NBAS: variants seen among roughly 807,000 people sequenced by gnomAD.
NBAS encodes the protein NAG/BC035112 fusion.
NBAS carries 219 observed loss-of-function variants against 302.5 expected under a neutral mutation model. The observed-to-expected ratio is 0.72, with a 90% CI of 0.65 to 0.81. The LOEUF is 0.81. NBAS is among the 30% of genes least tolerant of loss of function. The pLI is 0.00. For missense variants in NBAS, 2,932 were observed against 2,841.6 expected (o/e 1.03, Z -0.72); for synonymous variants, 1,118 against 1,021.6 (o/e 1.09, Z -1.80).
the NBAS span, among the ~76,000 whole-genome samples, chr2:15,148,916 G>A: frequency 0.035 from 5,372 of 152,152 alleles, 306 homozygotes; most frequent in African/African-American, 0.11. Context: ...TTAGGCTTTC[G>A]ACATTTAAGA....
chr2:14,802,761 T>C, the NBAS span, among the ~76,000 whole-genome samples: 2 of 145,588 alleles, frequency 1.4e-5, no homozygotes, highest in Non-Finnish European at 3.0e-5. Context: ...AAATTGGAAA[T>C]CATCATTCTC....
chr2:15,394,466 G>T, intron 27 of NBAS, 117 bp from the exon 28 acceptor site: 1 of 1,048,198 alleles, frequency 9.5e-7, no homozygotes, highest in Non-Finnish European at 1.4e-6. Flanking sequence ...ATCCCATAGT[G>T]TAATCCAATT....
intron 44 of NBAS, among the ~76,000 whole-genome samples, chr2:15,261,897 T>C (rs946637130): frequency 1.3e-5 from 2 of 152,226 alleles, no homozygotes; most frequent in Non-Finnish European, 2.9e-5. Context: ...ATTAATATCA[T>C]TGAAAGTAGG....
At chr2:15,269,983 A>G (rs10929357) in intron 44 of NBAS, among the ~76,000 whole-genome samples, 86,084 of 152,016 alleles carry the variant, frequency 0.57, 26,018 homozygotes, top group East Asian at 0.85. Context: ...AACCAAAACA[A>G]CAACAGACTG....
chr2:14,824,935 T>C, the NBAS span, among the ~76,000 whole-genome samples: 1 of 152,144 alleles, frequency 6.6e-6, no homozygotes, highest in Non-Finnish European at 1.5e-5. Flanking sequence ...AGCAAAACCT[T>C]TCTGTCCAAG....
the NBAS span, among the ~76,000 whole-genome samples, chr2:15,117,492 G>T: frequency 1.3e-5 from 2 of 152,150 alleles, no homozygotes; most frequent in Non-Finnish European, 2.9e-5. Flanking sequence ...CTCACAAAGT[G>T]TGCTCCTCAG....
At chr2:15,141,655 A>T in the NBAS span, among the ~76,000 whole-genome samples, 3 of 151,524 alleles carry the variant, frequency 2.0e-5, no homozygotes, top group African/African-American at 7.3e-5. Flanking sequence ...CAATGTGAAC[A>T]TATTGCTCAT....
intron 30 of NBAS, among the ~76,000 whole-genome samples, chr2:15,378,356 G>C (rs1022778613): frequency 6.6e-6 from 1 of 152,094 alleles, no homozygotes; most frequent in Admixed American, 6.6e-5. Context: ...CGTATTAGAG[G>C]AACTAGACAC....
At chr2:15,308,906 T>C (rs577985039) in intron 39 of NBAS, among the ~76,000 whole-genome samples, 1 of 152,296 alleles carries the variant, frequency 6.6e-6, no homozygotes, top group East Asian at 1.9e-4. Context: ...CATTGGGAGA[T>C]ATACCTAATG....
In NBAS at chr2:15,467,415, G is replaced by T; in HGVS notation, c.2019-8C>A. 6.2e-7 allele frequency: 1 copy of T among 1,605,098 alleles called. No individual in the cohort carries two copies. The highest frequency in any genetic ancestry group is 1.1e-5 in the South Asian group (1 of 90,884). On this transcript the variant is annotated splice_region_variant and splice_polypyrimidine_tract_variant and intron_variant, in intron 18 of 51. Transcript: ENST00000281513. ...TTTTGTTCCAGTGTCAACCTGTTTT[G>T]AATAACTATGTTAGGCCACTTATAT...
the NBAS span, among the ~76,000 whole-genome samples, chr2:14,792,378 C>G: frequency 6.6e-6 from 1 of 152,164 alleles, no homozygotes; most frequent in Non-Finnish European, 1.5e-5. Context: ...GCAAAATTAA[C>G]TGGTTAACAC....
chr2:15,017,762 A>G, the NBAS span, among the ~76,000 whole-genome samples: 1 of 152,102 alleles, frequency 6.6e-6, no homozygotes, highest in South Asian at 2.1e-4. Flanking sequence ...AATTACAAAT[A>G]GAACTACCAT....
At chr2:14,860,179 A>G in the NBAS span, among the ~76,000 whole-genome samples, 1 of 152,154 alleles carries the variant, frequency 6.6e-6, no homozygotes, top group Non-Finnish European at 1.5e-5. Flanking sequence ...GCTTTTATCA[A>G]AAAGGATTAA....
the NBAS span, among the ~76,000 whole-genome samples, chr2:14,977,814 C>A: frequency 5.3e-5 from 8 of 152,170 alleles, no homozygotes; most frequent in African/African-American, 1.9e-4. Flanking sequence ...GCTCTCCTCT[C>A]AGGATACCTG....
intron 25 of NBAS, 42 bp downstream of exon 25, chr2:15,415,504 G>C: frequency 6.4e-7 from 1 of 1,570,950 alleles, no homozygotes; most frequent in South Asian, 1.1e-5. Context: ...ATACTGTAGG[G>C]GAAAAAGTGC....
At chr2:15,171,875 C>T (rs1039579988) in intron 51 of NBAS, among the ~76,000 whole-genome samples, 1 of 152,226 alleles carries the variant, frequency 6.6e-6, no homozygotes. Flanking sequence ...CGTCGACACG[C>T]CAAGGAGAGA....
Position 15,504,205 on chromosome 2 carries a change from C to G in NBAS, c.894G>C (p.Lys298Asn), listed in dbSNP as rs373127753. 4.3e-6 allele frequency: 7 copies of G among 1,611,528 alleles called. No homozygotes were observed. The African/African-American group carries it at 9.4e-5, about 22-fold the overall frequency. ...NGGDGVTAVP[K>N]TLGLLRMLSV... ...TTAACATCCTTAATAATCCCAGTGT[C>G]TTCGGTACCTGCAAAATAAATGCAT... Residue 298 changes from lysine to asparagine, a missense_variant, in exon 11 of 52, where the codon AAG becomes AAC. Lys to Asn is a moderately conservative substitution (Grantham distance 94). Coordinates refer to ENST00000281513, the MANE Select transcript of NBAS (RefSeq NM_015909.4).
At chr2:15,166,567 A>G (rs1033721099), downstream of NBAS, among the ~76,000 whole-genome samples, 2 of 151,994 alleles carry the variant, frequency 1.3e-5, no homozygotes, top group Non-Finnish European at 2.9e-5. Flanking sequence ...TACCACCCTT[A>G]TTTTTCTACA....
the NBAS span, among the ~76,000 whole-genome samples, chr2:14,883,841 G>A: frequency 0.038 from 5,763 of 152,004 alleles, 136 homozygotes; most frequent in Non-Finnish European, 0.051. Flanking sequence ...CACTCCTATA[G>A]TCCTAGCTAC....
Sources: allele counts gnomAD v4.1 joint callset (sites outside exome capture counted in the v4.1 genomes callset), GRCh38; gene constraint gnomAD v4.1.1; transcripts MANE v1.5; gene names NCBI Gene and HGNC (gene_info 2026-07-23, HGNC 2026-07-21).